Variants in TMEM117 observed in about 807,000 individuals in gnomAD.
TMEM117 encodes the protein transmembrane protein 117.
Under a neutral mutation model 52.4 loss-of-function variants are expected in TMEM117, and 27 were observed. That is an observed-to-expected ratio of 0.51 (90% CI 0.38 to 0.71). TMEM117 has a LOEUF of 0.71. Among genes scored for constraint, TMEM117 ranks in the 30% least tolerant of loss-of-function variants. The pLI is 0.00. For synonymous variants in TMEM117, 215 were observed against 206.3 expected (o/e 1.04, Z -0.36); for missense variants, 556 against 630.5 (o/e 0.88, Z 1.26).
intron 3 of TMEM117, among the ~76,000 whole-genome samples, chr12:44,131,468 G>T (rs1466034853): frequency 1.3e-5 from 2 of 151,788 alleles, no homozygotes; most frequent in Non-Finnish European, 2.9e-5. Flanking sequence ...GTAGTTGTGG[G>T]GTGAGTTTTT....
intron 5 of TMEM117, among the ~76,000 whole-genome samples, chr12:44,214,138 A>AGT (rs1410724769): frequency 2.0e-5 from 2 of 99,220 alleles, no homozygotes; most frequent in African/African-American, 6.4e-5. Flanking sequence ...TTTTTTTTTA[A>AGT]TTTTTTTTTT....
chr12:43,840,787 A>T (rs1451581903), intron 1 of TMEM117, among the ~76,000 whole-genome samples: 2 of 152,254 alleles, frequency 1.3e-5, no homozygotes, highest in South Asian at 2.1e-4. Context: ...ATCTGTGGTT[A>T]TAGAAATGAA....
chr12:44,186,852 G>A (rs556158945), intron 4 of TMEM117, among the ~76,000 whole-genome samples: 2 of 152,242 alleles, frequency 1.3e-5, no homozygotes, highest in Admixed American at 6.5e-5. Context: ...AAGCATCGTT[G>A]TCCTGTGCAT....
chr12:44,254,662 A>G (rs896432871), intron 5 of TMEM117, among the ~76,000 whole-genome samples: 1 of 151,090 alleles, frequency 6.6e-6, no homozygotes, highest in Non-Finnish European at 1.5e-5. Flanking sequence ...ATATATATAT[A>G]TATTTTTTAT....
chr12:44,267,014 T>G (rs1592651795), intron 5 of TMEM117, among the ~76,000 whole-genome samples: 1 of 152,130 alleles, frequency 6.6e-6, no homozygotes, highest in South Asian at 2.1e-4. Flanking sequence ...TGCATTTCCA[T>G]ATGAATTTTA....
chr12:44,041,710 C>G (rs960066939), intron 3 of TMEM117, among the ~76,000 whole-genome samples: 1 of 152,042 alleles, frequency 6.6e-6, no homozygotes, highest in Non-Finnish European at 1.5e-5. Flanking sequence ...AACATAGATA[C>G]AAAATTCCTC....
intron 3 of TMEM117, among the ~76,000 whole-genome samples, chr12:44,064,643 T>G: frequency 6.6e-6 from 1 of 152,202 alleles, no homozygotes; most frequent in South Asian, 2.1e-4. Context: ...AAAAGCTTTC[T>G]CTCCTGAATG....
rs551002965 is a variant in TMEM117, at chr12:43,931,143, T to C, written c.278-13067T>C. Among the ~76,000 whole-genome samples, 20 of 152,346 alleles carry C rather than the reference T, an allele frequency of 1.3e-4. No individual in the cohort carries two copies. In the South Asian group the frequency reaches 4.1e-3, roughly 32 times the overall value. The stretch of plus-strand genomic sequence containing the variant: ...AGCTCACACAGGACTAAGAATAGTT[T>C]GTGTCCCTACAAGGCAAAAACACAA... On this transcript the variant is annotated intron_variant, in intron 2 of 7. Transcript: ENST00000266534.
rs1349826577 is a variant in TMEM117, at chr12:44,188,345, G to A, written c.511-22945G>A. 1.3e-4 allele frequency among the ~76,000 whole-genome samples: 20 copies of A among 152,018 alleles called. No individual in the cohort carries two copies. The South Asian group carries it at 3.9e-3, about 30-fold the overall frequency. ...TATTGTTTTTCTGGTACCAATTTTA[G>A]TCTTGCTACATCTTATTGCTTAACT... On this transcript the variant is annotated intron_variant, in intron 4 of 7. Transcript: ENST00000266534.
chr12:44,008,148 G>A (rs1224127873), intron 3 of TMEM117, among the ~76,000 whole-genome samples: 2 of 152,150 alleles, frequency 1.3e-5, no homozygotes, highest in African/African-American at 4.8e-5. Context: ...CCTGGATGAG[G>A]ACCAAGACTG....
chr12:44,010,817 A>G (rs1435233204), intron 3 of TMEM117, among the ~76,000 whole-genome samples: 2 of 152,210 alleles, frequency 1.3e-5, no homozygotes, highest in Non-Finnish European at 2.9e-5. Flanking sequence ...TATAATTGCT[A>G]TCATTCATTT....
chr12:43,951,960 T>C (rs1227252283), intron 3 of TMEM117, among the ~76,000 whole-genome samples: 1 of 152,206 alleles, frequency 6.6e-6, no homozygotes, highest in East Asian at 1.9e-4. Context: ...CAATCTTTGC[T>C]GTTCTGCAGC....
intron 3 of TMEM117, among the ~76,000 whole-genome samples, chr12:44,051,518 G>A (rs1459558759): frequency 6.6e-6 from 1 of 152,118 alleles, no homozygotes; most frequent in Admixed American, 6.5e-5. Context: ...AATGTTGTAA[G>A]GGAAATTGTA....
chr12:43,903,343 T>C (rs531346939), intron 2 of TMEM117, among the ~76,000 whole-genome samples: 33 of 152,132 alleles, frequency 2.2e-4, no homozygotes, highest in Non-Finnish European at 4.4e-4. Context: ...GTTGAGGATA[T>C]AAAATCAATT....
intron 3 of TMEM117, among the ~76,000 whole-genome samples, chr12:44,116,057 C>A (rs1948137167): frequency 3.3e-5 from 5 of 152,166 alleles, no homozygotes; most frequent in Admixed American, 1.3e-4. Context: ...TAGTATTTTT[C>A]TCTTCTCAAT....
chr12:44,224,347 AAGTT>A (rs1302927020), intron 5 of TMEM117, among the ~76,000 whole-genome samples: 1 of 152,168 alleles, frequency 6.6e-6, no homozygotes, highest in Non-Finnish European at 1.5e-5. Flanking sequence ...CAAAATATAC[AAGTT>A]CTTTAAATTA....
intron 6 of TMEM117, among the ~76,000 whole-genome samples, chr12:44,345,583 T>G (rs895855160): frequency 5.9e-5 from 9 of 152,146 alleles, no homozygotes; most frequent in Admixed American, 1.3e-4. Flanking sequence ...GATTTGGATC[T>G]GTTATTACTA....
At chr12:44,375,537 C>G (rs760521206) in intron 6 of TMEM117, among the ~76,000 whole-genome samples, 3 of 152,124 alleles carry the variant, frequency 2.0e-5, no homozygotes, top group Non-Finnish European at 4.4e-5. Flanking sequence ...ACATGGAAAC[C>G]TCTAAAAAGT....
chr12:44,395,467 G>GAAT, the TMEM117 span, among the ~76,000 whole-genome samples: 4 of 152,148 alleles, frequency 2.6e-5, no homozygotes, highest in African/African-American at 9.7e-5. Flanking sequence ...ACTTGTACCA[G>GAAT]AATAATATTT....
Sources: allele counts gnomAD v4.1 joint callset (sites outside exome capture counted in the v4.1 genomes callset), GRCh38; gene constraint gnomAD v4.1.1; transcripts MANE v1.5; gene names NCBI Gene and HGNC (gene_info 2026-07-23, HGNC 2026-07-21).